The following TBCD variants were observed in gnomAD, a reference collection of about 807,000 sequenced individuals.
TBCD encodes tubulin folding cofactor D.
A neutral mutation model predicts 169.3 loss-of-function variants in TBCD; 105 were observed. The ratio of observed to expected loss-of-function variants is 0.62; its 90% CI spans 0.53 to 0.73. The LOEUF is 0.73. TBCD is among the 30% of genes least tolerant of loss of function. The pLI is 0.00. For synonymous variants in TBCD, 700 were observed against 643.9 expected (o/e 1.09, Z -1.32); for missense variants, 1,444 against 1,600.1 (o/e 0.90, Z 1.66).
In TBCD at chr17:82,861,559, G is replaced by A. The variant is rs774765491; in HGVS notation, c.1319-8665G>A. On this transcript the variant is annotated intron_variant, in intron 13 of 38. Coordinates refer to ENST00000355528, the MANE Select transcript of TBCD (RefSeq NM_005993.5). ...CCTGAGCCCGGCCCCGGTGTGCCGC[G>A]CACTGGCCATGTGTCCGGAGAGGGC... 5.3e-5 allele frequency among the ~76,000 whole-genome samples: 8 copies of A among 152,214 alleles called. No individual in the cohort carries two copies. The South Asian group carries it at 1.0e-3, about 20-fold the overall frequency.
Position 82,920,568 on chromosome 17 carries a change from T to C in TBCD, c.2051T>C (p.Ile684Thr). The change falls in exon 24 of 39, where the codon ATA becomes ACA. Residue 684 changes from isoleucine (I) to threonine (T), a missense_variant. Physicochemically the swap from Ile to Thr is moderately conservative, Grantham distance 89. Coordinates refer to ENST00000355528, the MANE Select transcript of TBCD (RefSeq NM_005993.5). The surrounding 1 kb of genome is among the most constrained non-coding windows in gnomAD (Gnocchi z 4.1). Reference sequence around the variant, plus strand: ...TTTTTTTTTCCAGTGTGTGTTTTAATAGAAAAGTTGTCACTTTCCAAAATG... The same window carrying C: ...TTTTTTTTTCCAGTGTGTGTTTTAACAGAAAAGTTGTCACTTTCCAAAATG... ...QLMRQAVCVL[I>T]EKLSLSKMPF... 11 of 1,541,038 alleles carry C rather than the reference T, an allele frequency of 7.1e-6. No homozygotes were observed. The highest frequency in any genetic ancestry group is 9.6e-6 in the Non-Finnish European group (11 of 1,143,912).
intron 23 of TBCD, among the ~76,000 whole-genome samples, chr17:82,917,577 A>G (rs1413281821): frequency 6.6e-6 from 1 of 152,216 alleles, no homozygotes; most frequent in Non-Finnish European, 1.5e-5. Context: ...GAGGTCTGCA[A>G]TGTTCTCCTC....
At chr17:82,905,789 G>A (rs2060204772) in intron 19 of TBCD, 147 bp from the exon 20 acceptor site, 2 of 525,784 alleles carry the variant, frequency 3.8e-6, no homozygotes, top group South Asian at 4.3e-5. Context: ...TCCCGGCCCT[G>A]TGTGGGTGCG....
chr17:82,753,912 G>T (rs2047259772), intron 1 of TBCD, among the ~76,000 whole-genome samples: 2 of 146,904 alleles, frequency 1.4e-5, no homozygotes, highest in African/African-American at 2.6e-5. Flanking sequence ...TTGTCCCCCA[G>T]GGTGGAGTGC....
Position 82,880,806 on chromosome 17 carries a change from C to T in TBCD, c.1476-3339C>T, listed in dbSNP as rs941245470. 2.6e-5 allele frequency among the ~76,000 whole-genome samples: 4 copies of T among 152,188 alleles called. No homozygotes were observed. The highest frequency in any genetic ancestry group is 7.2e-5 in the African/African-American group (3 of 41,442). The stretch of plus-strand genomic sequence containing the variant: ...TGTCGGAGCATAGCAGTGGCCCGTA[C>T]GTGAGGGACTTTGTTGTTGCCGTCT... On this transcript the variant is annotated intron_variant, in intron 14 of 38. Coordinates refer to ENST00000355528, the MANE Select transcript of TBCD (RefSeq NM_005993.5). The surrounding 1 kb of genome is among the most constrained non-coding windows in gnomAD (Gnocchi z 5.0).
intron 13 of TBCD, among the ~76,000 whole-genome samples, chr17:82,845,162 G>A (rs1431892834): frequency 6.6e-6 from 1 of 152,198 alleles, no homozygotes; most frequent in African/African-American, 2.4e-5. Context: ...GGCTGGAAGT[G>A]CAGTCCTGGT....
chr17:82,802,667 C>A (rs897307548), intron 9 of TBCD, among the ~76,000 whole-genome samples: 9 of 152,238 alleles, frequency 5.9e-5, no homozygotes, highest in Non-Finnish European at 1.3e-4. Context: ...GGGCTTCCCC[C>A]CTCCTCAGGG....
intron 16 of TBCD, 21 bp from the exon 17 acceptor site, chr17:82,893,526 C>T: frequency 6.4e-7 from 1 of 1,564,014 alleles, no homozygotes; most frequent in Non-Finnish European, 8.7e-7. Context: ...TCTTTTTCCC[C>T]CATTTCCACT....
intron 7 of TBCD, among the ~76,000 whole-genome samples, chr17:82,788,403 G>C (rs2049460548): frequency 6.6e-6 from 1 of 152,100 alleles, no homozygotes; most frequent in African/African-American, 2.4e-5. Flanking sequence ...GGCGGCGGCG[G>C]GGCTGGGGGA....
intron 13 of TBCD, chr17:82,838,797 C>T (rs1190760713): frequency 1.0e-6 from 1 of 985,302 alleles, no homozygotes; most frequent in Non-Finnish European, 1.2e-6. Flanking sequence ...GCTCTTAACT[C>T]TAGTTTCGGC....
At chr17:82,905,108 A>C (rs1165488264) in intron 19 of TBCD, among the ~76,000 whole-genome samples, 2 of 152,098 alleles carry the variant, frequency 1.3e-5, no homozygotes, top group Non-Finnish European at 2.9e-5. Flanking sequence ...GGTTCTGAGG[A>C]GTCTGTGCTT....
intron 27 of TBCD, among the ~76,000 whole-genome samples, chr17:82,925,560 C>A (rs973413287): frequency 1.5e-4 from 23 of 152,136 alleles, no homozygotes. Flanking sequence ...CTCCGGCCAC[C>A]TGGCGTCTGA....
chr17:82,790,816 C>A (rs1243677827), intron 7 of TBCD, among the ~76,000 whole-genome samples: 3 of 152,202 alleles, frequency 2.0e-5, no homozygotes, highest in Non-Finnish European at 4.4e-5. Flanking sequence ...GGATCCTCCT[C>A]CTGCTGGGCT....
chr17:82,824,087 T>C (rs531303371), intron 13 of TBCD, among the ~76,000 whole-genome samples: 4 of 152,290 alleles, frequency 2.6e-5, no homozygotes, highest in Middle Eastern at 6.8e-3. Flanking sequence ...GGTTAATCTG[T>C]GTTGTAGCAT....
chr17:82,777,271 G>C (rs1015214894), intron 6 of TBCD, among the ~76,000 whole-genome samples: 1 of 152,186 alleles, frequency 6.6e-6, no homozygotes, highest in Non-Finnish European at 1.5e-5. Context: ...TAGGTAACCA[G>C]TTGCTTTAGT....
At chr17:82,845,704 C>T (rs1210503204) in intron 13 of TBCD, among the ~76,000 whole-genome samples, 1 of 152,204 alleles carries the variant, frequency 6.6e-6, no homozygotes, top group Non-Finnish European at 1.5e-5. Context: ...TGCTGGGACT[C>T]AAGTCTTGGC....
intron 25 of TBCD, among the ~76,000 whole-genome samples, chr17:82,921,984 C>T (rs1321513235): frequency 6.6e-6 from 1 of 152,182 alleles, no homozygotes; most frequent in Non-Finnish European, 1.5e-5. Context: ...TTGACCTGGT[C>T]ATGTTGTGTG....
chr17:82,896,446 G>A (rs1206677708), intron 17 of TBCD, among the ~76,000 whole-genome samples: 3 of 146,186 alleles, frequency 2.1e-5, no homozygotes, highest in Non-Finnish European at 3.0e-5. Flanking sequence ...GGGTGGCTGT[G>A]CTGTCAGTTT....
intron 13 of TBCD, among the ~76,000 whole-genome samples, chr17:82,849,383 T>A (rs1054763689): frequency 1.7e-4 from 26 of 152,402 alleles, no homozygotes; most frequent in African/African-American, 5.8e-4. Flanking sequence ...AGCTAAGTCC[T>A]GAGAGTCACA....
Sources: allele counts gnomAD v4.1 joint callset (sites outside exome capture counted in the v4.1 genomes callset), GRCh38; gene constraint gnomAD v4.1.1; non-coding constraint Gnocchi (gnomAD v3.1); transcripts MANE v1.5; gene names NCBI Gene and HGNC (gene_info 2026-07-23, HGNC 2026-07-21).